ZNF530: variants seen among roughly 807,000 people sequenced by gnomAD.
ZNF530 encodes the protein zinc finger protein 530.
ZNF530 carries 5 observed loss-of-function variants against 2.8 expected under a neutral mutation model. The ratio of observed to expected loss-of-function variants is 1.80; its 90% CI spans 0.94 to 3.78. The LOEUF (loss-of-function observed/expected upper bound fraction) is 3.78, where lower values mean the gene tolerates loss of function less well. ZNF530 is among the 30% of genes most tolerant of loss of function. ZNF530 has a pLI of 0.00. For synonymous variants in ZNF530, 229 were observed against 235.0 expected (o/e 0.97, Z 0.23); for missense variants, 619 against 673.3 (o/e 0.92, Z 0.89).
At chr19:57,600,330 C>T (rs1980170424) in intron 1 of ZNF530, among the ~76,000 whole-genome samples, 196 bp downstream of exon 1, 1 of 152,196 alleles carries the variant, frequency 6.6e-6, no homozygotes, top group Non-Finnish European at 1.5e-5. Flanking sequence ...TGGAGCTGCG[C>T]CTGAGCCGGG....
chr19:57,607,003 G>A lies in ZNF530; in HGVS notation c.1379G>A (p.Cys460Tyr), dbSNP rs78803667. Residue 460 changes from cysteine (C) to tyrosine (Y), a missense_variant, in exon 4 of 4, where the codon TGC becomes TAC. By Grantham distance (194) the Cys-to-Tyr change is radical (BLOSUM62 -2). Coordinates refer to ENST00000597700, the MANE Select transcript of ZNF530 (RefSeq NM_001321981.2). The stretch of plus-strand genomic sequence containing the variant: ...CACACTGGAGAAAGGCCTTATGAGT[G>A]CAGTGTATGTGGGAAATCTTTTATC... ...TVHTGERPYE[C>Y]SVCGKSFIRK... is the part of the protein sequence containing the mutation. The A allele has an allele frequency of 3.2e-3, 5,236 of 1,614,176 alleles. 90 individuals are homozygous for A. In the Admixed American group the frequency reaches 0.044, roughly 14 times the overall value.
At chr19:57,604,582 C>A in intron 3 of ZNF530, 176 bp downstream of exon 3, 1 of 756,482 alleles carries the variant, frequency 1.3e-6, no homozygotes, top group South Asian at 1.8e-5. Flanking sequence ...TGTCCTAACA[C>A]CTGTTTCCTC....
In ZNF530 at chr19:57,609,084, A is replaced by G. The variant is rs1054762111; in HGVS notation, c.*1759A>G. On this transcript the variant is annotated 3_prime_UTR_variant, in exon 4 of 4. Coordinates refer to ENST00000597700, the MANE Select transcript of ZNF530 (RefSeq NM_001321981.2). ...AGTGGCTCATGCGTGTAATCCCTAC[A>G]CTTTCCGAGGCCATGGCGTGCAGAT... 9 of 152,006 alleles carry G rather than the reference A, an allele frequency of 5.9e-5. No individual in the cohort carries two copies. The highest frequency in any genetic ancestry group is 2.2e-4 in the African/African-American group (9 of 41,424). The allele number at this position is 152,006 out of a possible 1,614,324, so 9.4% of individuals were successfully genotyped here.
At position 57,599,886 on chromosome 19, in the gene ZNF530, G is replaced by A. The variant is rs1169111337; in HGVS notation, c.-370G>A. ...CCGCTCTGTCCAACTTGTCGGAGCG[G>A]AACTTCCGGCGTCCTCCCTGTGGCG... On this transcript the variant is annotated 5_prime_UTR_variant, in exon 1 of 4. Transcript: ENST00000597700. The A allele has an allele frequency of 2.0e-6, 1 of 503,324 alleles. No individual in the cohort carries two copies. The highest frequency in any genetic ancestry group is 3.1e-5 in the East Asian group (1 of 32,428). The allele number at this position is 503,324 out of a possible 1,614,324, so 31.2% of individuals were successfully genotyped here.
At chr19:57,601,472 G>C (rs1253358625) in intron 2 of ZNF530, among the ~76,000 whole-genome samples, 1 of 152,216 alleles carries the variant, frequency 6.6e-6, no homozygotes, top group Non-Finnish European at 1.5e-5. Flanking sequence ...CAAGTAGATA[G>C]TAGAATTGTT....
intron 2 of ZNF530, among the ~76,000 whole-genome samples, chr19:57,601,654 A>G (rs1450043657): frequency 2.0e-5 from 3 of 152,194 alleles, no homozygotes; most frequent in African/African-American, 4.8e-5. Flanking sequence ...TTGAACTAGG[A>G]TGGAGCCCTA....
downstream of ZNF530, among the ~76,000 whole-genome samples, chr19:57,611,690 A>G (rs1980884987): frequency 6.6e-6 from 1 of 151,278 alleles, no homozygotes; most frequent in African/African-American, 2.4e-5. Context: ...CCTGGTACCA[A>G]TCATGGCCAC....
In ZNF530 at chr19:57,606,766, A is replaced by G; in HGVS notation, c.1142A>G (p.Lys381Arg). 2 of 1,613,986 alleles carry G rather than the reference A, an allele frequency of 1.2e-6. No individual in the cohort carries two copies. Among genetic ancestry groups the G allele is most frequent in the Non-Finnish European group, 1.7e-6 (2 of 1,180,016 alleles). Residue 381 changes from lysine to arginine, a missense_variant, in exon 4 of 4, where the codon AAA (lysine) becomes AGA (arginine). By Grantham distance (26) the Lys-to-Arg change is conservative (BLOSUM62 2). Transcript: ENST00000597700. ...ERPYVCSECG[K>R]SFGQKSVLIQ... The stretch of plus-strand genomic sequence containing the variant: ...CCTTATGTGTGCAGTGAATGTGGGA[A>G]ATCATTTGGCCAGAAATCTGTCCTC...
In ZNF530 at chr19:57,609,108, A is replaced by G. The variant is rs1980749484; in HGVS notation, c.*1783A>G. On this transcript the variant is annotated 3_prime_UTR_variant, in exon 4 of 4. Transcript: ENST00000597700. ...CACTTTCCGAGGCCATGGCGTGCAG[A>G]TCACTTGAGGTCAGGAGTCAGAGAC... 1 of 152,180 alleles carries G rather than the reference A, an allele frequency of 6.6e-6. No individual in the cohort carries two copies. Among genetic ancestry groups the G allele is most frequent in the African/African-American group, 2.4e-5 (1 of 41,434 alleles). 9.4% of individuals were successfully genotyped at this position (152,180 alleles called of 1,614,324 possible). A position where few individuals can be genotyped will look rare whatever the true frequency, so the allele number is the denominator to read the frequency against.
intron 3 of ZNF530, 99 bp from the exon 4 acceptor site, chr19:57,605,587 T>C (rs1486887781): frequency 6.2e-6 from 8 of 1,294,268 alleles, no homozygotes; most frequent in Middle Eastern, 2.7e-4. Context: ...TCTCATATCC[T>C]AAAAACATTT....
At chr19:57,610,899 A>G (rs1270903864), downstream of ZNF530, among the ~76,000 whole-genome samples, 2 of 152,092 alleles carry the variant, frequency 1.3e-5, no homozygotes, top group African/African-American at 4.8e-5. Flanking sequence ...TTTTTTTTCA[A>G]CCACCCTCTC....
At position 57,606,629 on chromosome 19, in the gene ZNF530, A is replaced by G; in HGVS notation, c.1005A>G (p.Arg335=). 6.2e-7 allele frequency: 1 copy of G among 1,614,114 alleles called. No homozygotes were observed. Among genetic ancestry groups the G allele is most frequent in the Non-Finnish European group, 8.5e-7 (1 of 1,180,014 alleles). The change falls in exon 4 of 4, where the codon CGA becomes CGG. Residue 335 remains arginine (R), a synonymous_variant. Transcript: ENST00000597700. ...KSFSHSTNLF[R]HWRVHTGVRP... ...TTAGCCATAGCACTAACCTCTTTCG[A>G]CACTGGAGAGTTCACACTGGAGTAA...
Sources: gnomAD v4.1 joint callset for allele counts (sites outside exome capture counted in the v4.1 genomes callset) on GRCh38, gnomAD v4.1.1 for gene constraint, MANE v1.5 for transcripts, NCBI Gene and HGNC (gene_info 2026-07-23, HGNC 2026-07-21) for gene names.